Variants in NCAM1 observed in about 807,000 individuals in gnomAD.
NCAM1 encodes neural cell adhesion molecule 1, also known as antigen recognized by monoclonal antibody 5.1H11.
Under a neutral mutation model 109.8 loss-of-function variants are expected in NCAM1, and 14 were observed. The ratio of observed to expected loss-of-function variants is 0.13; its 90% CI spans 0.08 to 0.20. NCAM1 has a LOEUF of 0.20. NCAM1 is among the 10% of genes least tolerant of loss of function. NCAM1 has a pLI of 1.00. For missense variants in NCAM1, 774 were observed against 1,109.9 expected, an observed-to-expected ratio of 0.70 and a Z score of 4.30; for synonymous variants, 418 against 442.9, an observed-to-expected ratio of 0.94 and a Z score of 0.70.
At chr11:113,154,452 G>A (rs1942340695) in intron 1 of NCAM1, among the ~76,000 whole-genome samples, 1 of 152,124 alleles carries the variant, frequency 6.6e-6, no homozygotes, top group Non-Finnish European at 1.5e-5. Flanking sequence ...ATAAGCAGAT[G>A]CAAAGAAAAG....
intron 8 of NCAM1, among the ~76,000 whole-genome samples, chr11:113,214,726 T>C (rs686934): frequency 0.49 from 74,171 of 151,872 alleles, 19,184 homozygotes; most frequent in East Asian, 0.73. Context: ...GATAGGTTGG[T>C]GGGGGCGTGA....
At chr11:113,104,219 C>CCGGGG (rs1940039658) in intron 1 of NCAM1, among the ~76,000 whole-genome samples, 1 of 14,688 alleles carries the variant, frequency 6.8e-5, no homozygotes, top group African/African-American at 2.9e-4. Context: ...GGGGGGGGGG[C>CCGGGG]GGGGTGGTGG....
chr11:113,207,798 G>A (rs781821780), intron 6 of NCAM1, 35 bp from the exon 7 acceptor site: 19 of 1,577,976 alleles, frequency 1.2e-5, no homozygotes, highest in South Asian at 5.8e-5. Context: ...TTCTGTGGTC[G>A]AAATCATGCT....
Position 112,993,611 on chromosome 11 carries a change from T to C in NCAM1, c.52+31947T>C, listed in dbSNP as rs376702102. ...CTTTTTGTCATTCTTCTTCCAATTG[T>C]TAACATTTGTTTTTAAAATTTTTAT... On this transcript the variant is annotated intron_variant, in intron 1 of 19. Transcript: ENST00000316851. 3.9e-5 allele frequency among the ~76,000 whole-genome samples: 6 copies of C among 152,246 alleles called. No homozygotes were observed. In the South Asian group the frequency reaches 6.2e-4, roughly 16 times the overall value.
chr11:113,074,117 T>A (rs1487842824), intron 1 of NCAM1, among the ~76,000 whole-genome samples: 4 of 152,160 alleles, frequency 2.6e-5, no homozygotes, highest in African/African-American at 9.7e-5. Context: ...TAAAATTACT[T>A]TTTGGTGCTG....
rs369878949 is a variant in NCAM1, at chr11:113,149,219, G to T, written c.53-53160G>T. On this transcript the variant is annotated intron_variant, in intron 1 of 19. Coordinates refer to ENST00000316851, the MANE Select transcript of NCAM1 (RefSeq NM_181351.5). Reference sequence around the variant, plus strand: ...GGGGGGGCCTTCCTCCAAGACAAGGGTGCACATTCCCACAGCAAAGCCTGG... The same window carrying T: ...GGGGGGGCCTTCCTCCAAGACAAGGTTGCACATTCCCACAGCAAAGCCTGG... 5.9e-5 allele frequency among the ~76,000 whole-genome samples: 9 copies of T among 152,164 alleles called. No individual in the cohort carries two copies. In the South Asian group the frequency reaches 1.9e-3, roughly 32 times the overall value.
At chr11:113,087,501 C>T (rs974789975) in intron 1 of NCAM1, among the ~76,000 whole-genome samples, 2 of 152,196 alleles carry the variant, frequency 1.3e-5, no homozygotes, top group Admixed American at 6.5e-5. Flanking sequence ...TACAGATCTT[C>T]AGCAGTTTGC....
chr11:113,206,833 C>T (rs1047013269), intron 5 of NCAM1, among the ~76,000 whole-genome samples: 6 of 152,170 alleles, frequency 3.9e-5, no homozygotes, highest in African/African-American at 9.7e-5. Context: ...CTGATGCATT[C>T]GAATTGGTGT....
At chr11:113,163,819 G>C (rs1364556769) in intron 1 of NCAM1, among the ~76,000 whole-genome samples, 1 of 152,196 alleles carries the variant, frequency 6.6e-6, no homozygotes. Context: ...CAGTGCTGCG[G>C]GTGCCGGGCT....
At chr11:113,222,711 G>T (rs1237033476) in intron 9 of NCAM1, among the ~76,000 whole-genome samples, 3 of 152,172 alleles carry the variant, frequency 2.0e-5, no homozygotes, top group African/African-American at 4.8e-5. Context: ...ATTTAGAGCT[G>T]GTTGAGGAGG....
chr11:113,022,151 G>A (rs150861573), intron 1 of NCAM1, among the ~76,000 whole-genome samples: 1 of 152,274 alleles, frequency 6.6e-6, no homozygotes, highest in Admixed American at 6.5e-5. Flanking sequence ...TAAGCCAACA[G>A]GCCTCTGACT....
chr11:113,234,990 T>C lies in NCAM1; in HGVS notation c.1694-43T>C, dbSNP rs546765471. 1.1e-5 allele frequency: 16 copies of C among 1,523,536 alleles called. No individual in the cohort carries two copies. The South Asian group carries it at 1.7e-4, about 16-fold the overall frequency. 94.4% of individuals were successfully genotyped at this position (1,523,536 alleles called of 1,614,324 possible). On this transcript the variant is annotated intron_variant, in intron 13 of 19. Coordinates refer to ENST00000316851, the MANE Select transcript of NCAM1 (RefSeq NM_181351.5). ...CTGTTTTTCAGAGCGGCTGCACCAT[T>C]TTAACAATAGACTCTTTTGTCATCC... is the stretch of plus-strand genomic sequence containing the variant.
Position 113,204,490 on chromosome 11 carries a change from A to T in NCAM1, c.332A>T (p.Asn111Ile). 6.2e-7 allele frequency: 1 copy of T among 1,613,998 alleles called. No individual in the cohort carries two copies. Among genetic ancestry groups the T allele is most frequent in the Non-Finnish European group, 8.5e-7 (1 of 1,179,878 alleles). The change falls in exon 3 of 20, where the codon AAC becomes ATC. Residue 111 changes from asparagine to isoleucine, a missense_variant. Physicochemically the swap from Asn to Ile is moderately radical, Grantham distance 149 (BLOSUM62 -3). Coordinates refer to ENST00000316851, the MANE Select transcript of NCAM1 (RefSeq NM_181351.5). ...EDGSESEATV[N>I]VKIFQKLMFK... is the part of the protein sequence containing the mutation. Reference sequence around the variant, plus strand: ...GGCAGTGAGTCAGAGGCCACCGTCAACGTGAAGATCTTTCGTAAGAGCCTC... The same window carrying T: ...GGCAGTGAGTCAGAGGCCACCGTCATCGTGAAGATCTTTCGTAAGAGCCTC...
Position 113,232,181 on chromosome 11 carries a change from C to A in NCAM1, c.1252C>A (p.Leu418Ile). The change falls in exon 11 of 20, where the codon CTA (leucine) becomes ATA (isoleucine). Residue 418 changes from leucine (L) to isoleucine (I), a missense_variant. By Grantham distance (5) the Leu-to-Ile change is conservative. Coordinates refer to ENST00000316851, the MANE Select transcript of NCAM1 (RefSeq NM_181351.5). Reference sequence around the variant, plus strand: ...GTTATTTATTGCAGATGCCCCAAAGCTACAGGGCCCTGTGGCTGTGTACAC... The same window carrying A: ...GTTATTTATTGCAGATGCCCCAAAGATACAGGGCCCTGTGGCTGTGTACAC... ...MYLEVQYAPKLQGPVAVYTWE... is the reference protein window; with the variant it reads ...MYLEVQYAPKIQGPVAVYTWE... 1.2e-6 allele frequency: 2 copies of A among 1,600,446 alleles called. No homozygotes were observed. The highest frequency in any genetic ancestry group is 1.1e-5 in the South Asian group (1 of 88,294).
At chr11:113,134,911 T>A (rs141479324) in intron 1 of NCAM1, among the ~76,000 whole-genome samples, 1 of 152,250 alleles carries the variant, frequency 6.6e-6, no homozygotes, top group African/African-American at 2.4e-5. Flanking sequence ...CACCCTATGA[T>A]CCTGAGTAGC....
chr11:113,080,255 G>T (rs1343076292), intron 1 of NCAM1, among the ~76,000 whole-genome samples: 1 of 152,110 alleles, frequency 6.6e-6, no homozygotes. Context: ...ACAGAAATGT[G>T]ATTTACTTGA....
intron 1 of NCAM1, among the ~76,000 whole-genome samples, chr11:113,188,834 AGTGT>A (rs144748025): frequency 1.3e-5 from 2 of 150,484 alleles, no homozygotes; most frequent in Non-Finnish European, 3.0e-5. Context: ...TGTGAGTGTG[AGTGT>A]GTGTGTGTGT....
intron 1 of NCAM1, among the ~76,000 whole-genome samples, chr11:113,089,860 A>G (rs1200663419): frequency 6.6e-6 from 1 of 152,324 alleles, no homozygotes; most frequent in East Asian, 1.9e-4. Flanking sequence ...AAACAAACCA[A>G]AGAAGTACAA....
At chr11:113,088,855 G>A (rs1939209901) in intron 1 of NCAM1, among the ~76,000 whole-genome samples, 1 of 151,988 alleles carries the variant, frequency 6.6e-6, no homozygotes. Context: ...GACTTGTTTT[G>A]CTGGAGTTTA....
Sources: gnomAD v4.1 joint callset for allele counts (sites outside exome capture counted in the v4.1 genomes callset) on GRCh38, gnomAD v4.1.1 for gene constraint, MANE v1.5 for transcripts, NCBI Gene and HGNC (gene_info 2026-07-23, HGNC 2026-07-21) for gene names.